Variants in C4orf50 observed in about 807,000 individuals in gnomAD.
The protein encoded by C4orf50 is uncharacterized protein C4orf50.
A neutral mutation model predicts 77.2 loss-of-function variants in C4orf50; 80 were observed. That is an observed-to-expected ratio of 1.04 (90% CI 0.87 to 1.25). C4orf50 has a LOEUF of 1.25. C4orf50 is among the 50% of genes most tolerant of loss of function. C4orf50 has a pLI of 0.00. For missense variants in C4orf50, 1,257 were observed against 1,152.9 expected, an observed-to-expected ratio of 1.09 and a Z score of -1.31; for synonymous variants, 532 against 465.3, an observed-to-expected ratio of 1.14 and a Z score of -1.84.
At chr4:5,909,722 G>C (rs571742890) in intron 7 of C4orf50, among the ~76,000 whole-genome samples, 1 of 152,176 alleles carries the variant, frequency 6.6e-6, no homozygotes, top group Admixed American at 6.5e-5. Flanking sequence ...TCTTCTGCGT[G>C]TGAATATCCA....
intron 29 of C4orf50, among the ~76,000 whole-genome samples, chr4:5,977,343 AC>A (rs1720345582): frequency 6.6e-6 from 1 of 152,146 alleles, no homozygotes; most frequent in Non-Finnish European, 1.5e-5. Flanking sequence ...CCTCTTCCTC[AC>A]CCCCAAACTC....
In C4orf50 at chr4:5,968,765, G is replaced by C. The variant is rs1301914554; in HGVS notation, c.4105-1303C>G. On this transcript the variant is annotated intron_variant, in intron 31 of 33. Transcript: ENST00000531445. ...TTATTGCCCCTGGGTTTAGAGTCAG[G>C]TGTCTCCTCATTAGACAGAGGCTCC... is the stretch of plus-strand genomic sequence containing the variant. Among the ~76,000 whole-genome samples, 2 of 152,130 alleles carry C rather than the reference G, an allele frequency of 1.3e-5. 1 individual carries two copies. The highest frequency in any genetic ancestry group is 2.9e-5 in the Non-Finnish European group (2 of 68,030).
At chr4:5,961,583 C>T (rs565647274) in intron 33 of C4orf50, among the ~76,000 whole-genome samples, 1 of 152,304 alleles carries the variant, frequency 6.6e-6, no homozygotes, top group South Asian at 2.1e-4. Flanking sequence ...AAGTGCTGTG[C>T]CCAAGGCCAC....
rs1433194780 is a variant in C4orf50 at position 5,916,573 on chromosome 4, C to T, written c.*2475-18385G>A. Among the ~76,000 whole-genome samples, 1 of 152,196 alleles carries T rather than the reference C, an allele frequency of 6.6e-6. No individual in the cohort carries two copies. Among genetic ancestry groups the T allele is most frequent in the East Asian group, 1.9e-4 (1 of 5,202 alleles). ...TTACTCTGCAAGTTTCTAAAAGCTG[C>T]CTGTCTTGGATTGGGCACCCTCAAA... On this transcript the variant is annotated intron_variant, in intron 7 of 7. Transcript: ENST00000324058. The surrounding 1 kb of genome is among the most constrained non-coding windows in gnomAD (Gnocchi z 4.4).
At chr4:5,939,756 C>T (rs1483306634) in intron 7 of C4orf50, among the ~76,000 whole-genome samples, 2 of 152,150 alleles carry the variant, frequency 1.3e-5, no homozygotes, top group Middle Eastern at 3.2e-3. Flanking sequence ...ATCCTCAGCC[C>T]TGTCCCCTGT....
At chr4:5,944,976 G>A (rs1718419149) in intron 7 of C4orf50, among the ~76,000 whole-genome samples, 1 of 152,272 alleles carries the variant, frequency 6.6e-6, no homozygotes, top group Non-Finnish European at 1.5e-5. Flanking sequence ...GGGCCACCAA[G>A]ACACCTGCTC....
intron 28 of C4orf50, among the ~76,000 whole-genome samples, chr4:5,983,345 A>G (rs1430410192): frequency 1.3e-5 from 2 of 152,090 alleles, no homozygotes; most frequent in Non-Finnish European, 2.9e-5. Flanking sequence ...AGCTTCTCCA[A>G]CCTCATCTCA....
intron 30 of C4orf50, among the ~76,000 whole-genome samples, chr4:5,975,310 A>T (rs1298994721): frequency 1.3e-5 from 2 of 152,092 alleles, no homozygotes; most frequent in African/African-American, 4.8e-5. Flanking sequence ...CAGCATGAAA[A>T]GTGCAGCCTC....
At chr4:5,982,549 C>A (rs186130849) in intron 28 of C4orf50, among the ~76,000 whole-genome samples, 1 of 152,268 alleles carries the variant, frequency 6.6e-6, no homozygotes, top group East Asian at 1.9e-4. Context: ...GAAGGGGGCA[C>A]TGAACAGAGA....
intron 7 of C4orf50, among the ~76,000 whole-genome samples, chr4:5,938,687 C>T (rs188073138): frequency 1.1e-4 from 17 of 152,220 alleles, no homozygotes; most frequent in East Asian, 5.8e-4. Flanking sequence ...TGAACCTGTC[C>T]TCAGTTTTAA....
intron 7 of C4orf50, among the ~76,000 whole-genome samples, chr4:5,935,583 C>T (rs371118702): frequency 2.0e-5 from 3 of 151,810 alleles, no homozygotes; most frequent in African/African-American, 7.3e-5. Flanking sequence ...GTCAGGAGTT[C>T]GAGGCCAGCC....
chr4:5,995,579 C>G (rs1201980814), intron 25 of C4orf50, among the ~76,000 whole-genome samples: 1 of 152,032 alleles, frequency 6.6e-6, no homozygotes, highest in Non-Finnish European at 1.5e-5. Context: ...TTCCCACAGC[C>G]CTGGCTGCTT....
chr4:6,014,657 T>G (rs960909384), intron 23 of C4orf50, among the ~76,000 whole-genome samples: 13 of 152,202 alleles, frequency 8.5e-5, no homozygotes, highest in African/African-American at 3.1e-4. Context: ...TGGCCTCAGC[T>G]TTTAGCAGCC....
chr4:5,986,218 T>C (rs143883094), intron 28 of C4orf50, among the ~76,000 whole-genome samples: 2,336 of 152,306 alleles, frequency 0.015, 192 homozygotes, highest in Admixed American at 0.13. Flanking sequence ...GTATGTGGGA[T>C]ATACTGTTGG....
chr4:5,990,593 C>A (rs537002462), exon 28 of C4orf50: 24 of 399,114 alleles, frequency 6.0e-5, no homozygotes, highest in East Asian at 1.4e-4. Context: ...TCTGAGGGAA[C>A]CTCCTGGAGC....
chr4:5,973,447 A>G (rs16837957), intron 31 of C4orf50, among the ~76,000 whole-genome samples: 72,879 of 152,110 alleles, frequency 0.48, 17,724 homozygotes, highest in East Asian at 0.71. Context: ...CCTGAGCACC[A>G]TAAAGGGTAA....
chr4:6,013,516 G>A (rs1313809607), intron 23 of C4orf50, among the ~76,000 whole-genome samples: 3 of 152,144 alleles, frequency 2.0e-5, no homozygotes, highest in Non-Finnish European at 2.9e-5. Flanking sequence ...GTTCATCCAG[G>A]CCCTAATCCC....
chr4:5,982,360 C>T (rs1357100687), intron 28 of C4orf50, among the ~76,000 whole-genome samples: 1 of 152,170 alleles, frequency 6.6e-6, no homozygotes, highest in African/African-American at 2.4e-5. Flanking sequence ...GTGAGCTGCC[C>T]AGAGAGTCTC....
chr4:5,988,850 T>C, exon 28 of C4orf50: 1 of 1,536,058 alleles, frequency 6.5e-7, no homozygotes, highest in Non-Finnish European at 8.7e-7. Flanking sequence ...TCTTTATAAC[T>C]GACGCCAAGC....
Sources: gnomAD v4.1 joint callset for allele counts (sites outside exome capture counted in the v4.1 genomes callset) on GRCh38, gnomAD v4.1.1 for gene constraint, Gnocchi (gnomAD v3.1) non-coding constraint, MANE v1.5 for transcripts, NCBI Gene and HGNC (gene_info 2026-07-23, HGNC 2026-07-21) for gene names.